HACL1: variants seen among roughly 807,000 people sequenced by gnomAD.
HACL1 encodes the protein 2-hydroxyacyl-CoA lyase 1.
HACL1 carries 64 observed loss-of-function variants against 74.2 expected under a neutral mutation model. The observed-to-expected ratio is 0.86, with a 90% CI of 0.70 to 1.06. The LOEUF (loss-of-function observed/expected upper bound fraction) is 1.06, where lower values mean the gene tolerates loss of function less well. HACL1 is among the 50% of genes least tolerant of loss of function. The pLI is 0.00. For missense variants in HACL1, 728 were observed against 719.7 expected (o/e 1.01, Z -0.13); for synonymous variants, 230 against 238.8 (o/e 0.96, Z 0.34).
intron 14 of HACL1, among the ~76,000 whole-genome samples, chr3:15,566,048 AGCATCCTTG>A (rs975841832): frequency 6.6e-6 from 1 of 152,176 alleles, no homozygotes; most frequent in African/African-American, 2.4e-5. Flanking sequence ...GACTTACTTG[AGCATCCTTG>A]GATTTTGGTA....
At chr3:15,573,539 AT>A (rs2125242527) in intron 10 of HACL1, among the ~76,000 whole-genome samples, 1 of 152,322 alleles carries the variant, frequency 6.6e-6, no homozygotes, top group South Asian at 2.1e-4. Context: ...TTTGCATCTA[AT>A]CAGTAAGTTC....
At chr3:15,594,057 C>G (rs575945779) in intron 3 of HACL1, among the ~76,000 whole-genome samples, 62 of 152,262 alleles carry the variant, frequency 4.1e-4, no homozygotes, top group African/African-American at 1.5e-3. Flanking sequence ...CCTCGGCCTC[C>G]CAAAGTGCTG....
Position 15,579,956 on chromosome 3 carries a change from C to T in HACL1, c.757G>A (p.Val253Ile), listed in dbSNP as rs1199112491. The T allele has an allele frequency of 1.9e-6, 3 of 1,611,040 alleles. No homozygotes were observed. The highest frequency in any genetic ancestry group is 2.7e-5 in the African/African-American group (2 of 74,858). ...CAGTATGGATGGTTGTCAGGGACAA[C>T]ACCCTTCCCCATAGGGGTGGGCAAA... ...PFLPTPMGKG[V>I]VPDNHPYCVG... The change falls in exon 9 of 17, where the codon GTT becomes ATT. Residue 253 changes from valine (V) to isoleucine (I), a missense_variant. By Grantham distance (29) the Val-to-Ile change is conservative. Coordinates refer to ENST00000321169, the MANE Select transcript of HACL1 (RefSeq NM_012260.4).
intron 11 of HACL1, 79 bp from the exon 12 acceptor site, chr3:15,571,848 T>TC (rs2063541281): frequency 1.5e-6 from 1 of 648,690 alleles, no homozygotes; most frequent in African/African-American, 2.2e-5. Flanking sequence ...TTTTTTTTTT[T>TC]TTTTTTTTTG....
rs543796537 is a variant in HACL1, at chr3:15,585,486, C to A, written c.460-144G>T. On this transcript the variant is annotated intron_variant, in intron 6 of 16. Coordinates refer to ENST00000321169, the MANE Select transcript of HACL1 (RefSeq NM_012260.4). ...AGAAAAAAATAATTATGATGAAAAT[C>A]GAAATGTCCTCTATTGACTACATTT... The A allele has an allele frequency of 8.8e-6, 5 of 570,700 alleles. No homozygotes were observed. In the East Asian group the frequency reaches 1.5e-4, roughly 17 times the overall value. The allele number at this position is 570,700 out of a possible 1,614,324, so 35.4% of individuals were successfully genotyped here.
intron 2 of HACL1, among the ~76,000 whole-genome samples, chr3:15,600,634 C>T (rs1263701999): frequency 1.3e-5 from 2 of 152,198 alleles, no homozygotes; most frequent in Non-Finnish European, 2.9e-5. Context: ...AAAGCCTTGG[C>T]CTTCACTCAT....
chr3:15,573,134 C>T (rs1246383891), intron 11 of HACL1, 25 bp downstream of exon 11: 7 of 1,337,232 alleles, frequency 5.2e-6, no homozygotes, highest in African/African-American at 1.4e-5. Flanking sequence ...AAGCACTCCA[C>T]ATAAACTAAA....
chr3:15,571,611 G>C (rs1415768323), intron 12 of HACL1, 57 bp downstream of exon 12: 7 of 823,080 alleles, frequency 8.5e-6, no homozygotes, highest in Admixed American at 1.8e-5. Flanking sequence ...CATTACGGCA[G>C]AAGTAACTGA....
intron 12 of HACL1, among the ~76,000 whole-genome samples, chr3:15,568,920 T>C (rs1375020174): frequency 6.6e-6 from 1 of 152,220 alleles, no homozygotes; most frequent in African/African-American, 2.4e-5. Flanking sequence ...AAACTAAACG[T>C]TCTTATTTGA....
chr3:15,568,728 T>G lies in HACL1; in HGVS notation c.1096-142A>C, dbSNP rs564680419. Reference sequence around the variant, plus strand: ...TTCCAAATGGCTATAAAATGGCCACTCTGAGAAGTTGGCTGACCTGTGAAC... The same window carrying G: ...TTCCAAATGGCTATAAAATGGCCACGCTGAGAAGTTGGCTGACCTGTGAAC... On this transcript the variant is annotated intron_variant, in intron 12 of 16. Transcript: ENST00000321169. 95 of 597,126 alleles carry G rather than the reference T, an allele frequency of 1.6e-4. 1 individual carries two copies. The allele number at this position is 597,126 out of a possible 1,614,324, so 37.0% of individuals were successfully genotyped here. A position where few individuals can be genotyped will look rare whatever the true frequency, so the allele number is the denominator to read the frequency against.
intron 11 of HACL1, 125 bp from the exon 12 acceptor site, chr3:15,571,894 C>T: frequency 2.0e-6 from 1 of 510,742 alleles, no homozygotes; most frequent in South Asian, 2.3e-5. Flanking sequence ...GGCTGGAGTG[C>T]AGTGGCGCAA....
In HACL1 at chr3:15,567,976, A is replaced by G; in HGVS notation, c.1277T>C (p.Met426Thr). ...AATAGCAAATCCCAAACCAACTCCC[A>G]TTGTTCCGAAAGTACCAGCATCAAG... ...HRLDAGTFGT[M>T]GVGLGFAIAA... The change falls in exon 14 of 17, where the codon ATG (methionine) becomes ACG (threonine). Residue 426 changes from methionine to threonine, a missense_variant. By Grantham distance (81) the Met-to-Thr change is moderately conservative (BLOSUM62 -1). Transcript: ENST00000321169. The G allele has an allele frequency of 6.2e-7, 1 of 1,614,122 alleles. No individual in the cohort carries two copies. The highest frequency in any genetic ancestry group is 8.5e-7 in the Non-Finnish European group (1 of 1,179,988).
intron 8 of HACL1, among the ~76,000 whole-genome samples, chr3:15,581,230 T>C (rs2063712055): frequency 6.6e-6 from 1 of 152,236 alleles, no homozygotes; most frequent in Non-Finnish European, 1.5e-5. Context: ...CACAGTTATG[T>C]GCCTGGGAAT....
chr3:15,586,883 T>C (rs1394355778), intron 5 of HACL1, among the ~76,000 whole-genome samples: 1 of 152,148 alleles, frequency 6.6e-6, no homozygotes, highest in African/African-American at 2.4e-5. Context: ...GGCACTTCTA[T>C]AAACTGCTGG....
intron 9 of HACL1, 131 bp from the exon 10 acceptor site, chr3:15,575,213 T>C (rs1574919144): frequency 3.9e-6 from 2 of 511,010 alleles, no homozygotes; most frequent in East Asian, 5.8e-5. Flanking sequence ...GCTTCTAGGG[T>C]ATATTTGATC....
Position 15,589,578 on chromosome 3 carries a change from T to C in HACL1, c.343A>G (p.Asn115Asp), listed in dbSNP as rs2063854401. The part of the protein sequence containing the change: ...LLVIGGSSER[N>D]QETMGAFQEF... The stretch of plus-strand genomic sequence containing the variant: ...TGGAAAGCTCCCATTGTTTCTTGGT[T>C]TCTTTCAGAGGAACCACCAATCACA... The change falls in exon 5 of 17, where the codon AAC (asparagine) becomes GAC (aspartate). Residue 115 changes from asparagine to aspartate, a missense_variant. Coordinates refer to ENST00000321169, the MANE Select transcript of HACL1 (RefSeq NM_012260.4). 1 of 1,611,310 alleles carries C rather than the reference T, an allele frequency of 6.2e-7. No homozygotes were observed. Among genetic ancestry groups the C allele is most frequent in the Non-Finnish European group, 8.5e-7 (1 of 1,177,550 alleles).
chr3:15,599,111 T>G (rs1207940440), intron 2 of HACL1, among the ~76,000 whole-genome samples: 1 of 152,240 alleles, frequency 6.6e-6, no homozygotes, highest in Non-Finnish European at 1.5e-5. Flanking sequence ...TGGGTACTCC[T>G]TCTCTGGGCT....
At chr3:15,574,626 C>T (rs78258660) in intron 10 of HACL1, among the ~76,000 whole-genome samples, 3,258 of 152,262 alleles carry the variant, frequency 0.021, 55 homozygotes, top group Non-Finnish European at 0.033. Flanking sequence ...AACCTCACTC[C>T]CTAACAAGGC....
At chr3:15,578,030 A>C (rs1199948817) in intron 9 of HACL1, among the ~76,000 whole-genome samples, 1 of 149,270 alleles carries the variant, frequency 6.7e-6, no homozygotes, top group African/African-American at 2.5e-5. Context: ...CCCAGGAGAC[A>C]GAGCTTGCAG....
Sources: gnomAD v4.1 joint callset for allele counts (sites outside exome capture counted in the v4.1 genomes callset) on GRCh38, gnomAD v4.1.1 for gene constraint, MANE v1.5 for transcripts, NCBI Gene and HGNC (gene_info 2026-07-23, HGNC 2026-07-21) for gene names.